UNC80: variants seen among roughly 807,000 people sequenced by gnomAD.
UNC80 encodes protein unc-80 homolog.
UNC80 carries 164 observed loss-of-function variants against 384.6 expected under a neutral mutation model. The ratio of observed to expected loss-of-function variants is 0.43; its 90% CI spans 0.38 to 0.49. The LOEUF is 0.49. UNC80 is among the 20% of genes least tolerant of loss of function. UNC80 has a pLI of 0.00. For synonymous variants in UNC80, 1,486 were observed against 1,527.8 expected (o/e 0.97, Z 0.64); for missense variants, 3,330 against 4,143.0 (o/e 0.80, Z 5.39).
Position 209,773,139 on chromosome 2 carries a change from T to G in UNC80, c.138T>G (p.Cys46Trp). The G allele has an allele frequency of 6.2e-7, 1 of 1,613,276 alleles. No homozygotes were observed. Among genetic ancestry groups the G allele is most frequent in the Non-Finnish European group, 8.5e-7 (1 of 1,179,400 alleles). Residue 46 changes from cysteine to tryptophan, a missense_variant, in exon 2 of 65, where the codon TGT becomes TGG. By Grantham distance (215) the Cys-to-Trp change is radical. Around this residue, in one of 8 missense-constraint regions of UNC80, gnomAD observed 86 missense variants for 141.5 expected, o/e 0.61. Coordinates refer to ENST00000673920, the MANE Select transcript of UNC80 (RefSeq NM_001371986.1). ...TGGGGAAGCAATATGAAGCTTCTTG[T>G]GTGGTATGTGATTTTCACCATTTAA... ...PKLGKQYEAS[C>W]VSFERVLVEN...
chr2:209,851,436 T>C (rs1574736457), intron 22 of UNC80, among the ~76,000 whole-genome samples: 1 of 152,042 alleles, frequency 6.6e-6, no homozygotes, highest in Non-Finnish European at 1.5e-5. Context: ...TCTTTACATA[T>C]CAAATACATC....
chr2:209,900,908 C>T (rs1040966777), intron 28 of UNC80, among the ~76,000 whole-genome samples: 1 of 152,186 alleles, frequency 6.6e-6, no homozygotes, highest in Admixed American at 6.5e-5. Context: ...AATTCAGAGA[C>T]TAGGTTTTAA....
intron 13 of UNC80, 38 bp downstream of exon 13, chr2:209,820,717 C>A: frequency 6.8e-7 from 1 of 1,475,374 alleles, no homozygotes; most frequent in South Asian, 1.4e-5. Flanking sequence ...CATGAAATGT[C>A]ATACCTAATT....
chr2:209,812,661 C>T (rs1446875270), intron 7 of UNC80, among the ~76,000 whole-genome samples: 1 of 152,004 alleles, frequency 6.6e-6, no homozygotes, highest in African/African-American at 2.4e-5. Context: ...TCTTGGATCC[C>T]GGAAGTTCTA....
At chr2:209,953,016 A>T (rs1384742059) in intron 47 of UNC80, among the ~76,000 whole-genome samples, 9 of 152,218 alleles carry the variant, frequency 5.9e-5, no homozygotes, top group African/African-American at 2.2e-4. Context: ...TGTAAGAAAA[A>T]GAATAGATCA....
intron 61 of UNC80, among the ~76,000 whole-genome samples, chr2:209,988,571 C>G (rs987189837): frequency 2.1e-4 from 32 of 152,112 alleles, no homozygotes; most frequent in African/African-American, 6.5e-4. Flanking sequence ...ATCCTTTATG[C>G]ACTATATGCC....
At chr2:209,879,008 T>G (rs114223601) in intron 24 of UNC80, among the ~76,000 whole-genome samples, 1 of 152,092 alleles carries the variant, frequency 6.6e-6, no homozygotes, top group Non-Finnish European at 1.5e-5. Flanking sequence ...AAAACTCTTA[T>G]GATCTTCCTT....
At chr2:209,972,999 A>G in intron 55 of UNC80, 65 bp from the exon 56 acceptor site, 4 of 1,452,128 alleles carry the variant, frequency 2.8e-6, no homozygotes, top group Non-Finnish European at 2.8e-6. Context: ...TTCTGTATCT[A>G]CTGTGGACAG....
In UNC80 at chr2:209,817,748, A is replaced by G. The variant is rs6727740; in HGVS notation, c.1553-64A>G. The G allele has an allele frequency of 6.3e-3, 9,697 of 1,538,506 alleles. 505 individuals carry two copies. In the African/African-American group the frequency reaches 0.11, roughly 18 times the overall value. ...CTCCCTGCTGTCCTTGGGAAAGACA[A>G]TATCTTGGCAGAATAACTTTCAGAT... On this transcript the variant is annotated intron_variant, in intron 10 of 64. Transcript: ENST00000673920.
chr2:209,918,548 T>A lies in UNC80; in HGVS notation c.5228T>A (p.Ile1743Asn). Residue 1743 changes from isoleucine (I) to asparagine (N), a missense_variant, in exon 33 of 65, where the codon ATC becomes AAC. Around this residue, in one of 8 missense-constraint regions of UNC80, gnomAD observed 1,049 missense variants for 1,488.6 expected, o/e 0.70. Coordinates refer to ENST00000673920, the MANE Select transcript of UNC80 (RefSeq NM_001371986.1). ...QQIFKIPPPS[I>N]NFTLPSPVLG... ...AACTAACAGATTCCGCCTCCCAGTA[T>A]CAATTTCACCCTTCCCTCGCCGGTG... 1 of 1,552,214 alleles carries A rather than the reference T, an allele frequency of 6.4e-7. No individual in the cohort carries two copies. The highest frequency in any genetic ancestry group is 8.7e-7 in the Non-Finnish European group (1 of 1,147,086).
intron 33 of UNC80, among the ~76,000 whole-genome samples, chr2:209,919,392 C>T (rs928366082): frequency 1.3e-5 from 2 of 151,944 alleles, no homozygotes; most frequent in African/African-American, 4.8e-5. Context: ...GGATTTATGG[C>T]AATAATAAAA....
intron 5 of UNC80, among the ~76,000 whole-genome samples, chr2:209,787,991 G>A (rs2077550622): frequency 6.6e-6 from 1 of 152,276 alleles, no homozygotes; most frequent in Non-Finnish European, 1.5e-5. Flanking sequence ...AGACATGAAG[G>A]TGGAAGACAG....
At chr2:209,857,777 T>G (rs1048242055) in intron 22 of UNC80, among the ~76,000 whole-genome samples, 2 of 152,204 alleles carry the variant, frequency 1.3e-5, no homozygotes, top group Non-Finnish European at 2.9e-5. Flanking sequence ...TTAAGTACTT[T>G]CTAATTTCTT....
intron 35 of UNC80, among the ~76,000 whole-genome samples, chr2:209,925,005 C>A (rs1205003785): frequency 1.3e-5 from 2 of 151,808 alleles, no homozygotes; most frequent in African/African-American, 4.8e-5. Flanking sequence ...GCAAGGTTGT[C>A]AATTTTCAAG....
chr2:209,853,408 T>G (rs1042683572), intron 22 of UNC80, among the ~76,000 whole-genome samples: 2 of 152,024 alleles, frequency 1.3e-5, no homozygotes, highest in Non-Finnish European at 2.9e-5. Context: ...GTGTTCAAAG[T>G]TTTGCTGACC....
At chr2:209,808,543 A>AAT (rs1337844095) in intron 7 of UNC80, among the ~76,000 whole-genome samples, 2 of 150,468 alleles carry the variant, frequency 1.3e-5, no homozygotes, top group Admixed American at 1.3e-4. Context: ...AAAAAAAAAA[A>AAT]GTAAGGCGGG....
Position 209,978,498 on chromosome 2 carries a change from T to C in UNC80, c.8939-31T>C, listed in dbSNP as rs576280857. On this transcript the variant is annotated intron_variant, in intron 58 of 64. Transcript: ENST00000673920. Reference sequence around the variant, plus strand: ...AAGTGGACATTTAAGATTCTCACCATGCATTTCCTTTGGTCTCTCGCATCC... The same window carrying C: ...AAGTGGACATTTAAGATTCTCACCACGCATTTCCTTTGGTCTCTCGCATCC... 982 of 1,486,944 alleles carry C rather than the reference T, an allele frequency of 6.6e-4. 2 individuals are homozygous for C. The highest frequency in any genetic ancestry group is 7.6e-4 in the Non-Finnish European group (837 of 1,101,224). The allele number at this position is 1,486,944 out of a possible 1,614,324, so 92.1% of individuals were successfully genotyped here.
chr2:209,893,354 A>G (rs876010), intron 26 of UNC80, among the ~76,000 whole-genome samples: 23,688 of 152,250 alleles, frequency 0.16, 2,253 homozygotes, highest in East Asian at 0.22. Context: ...AGGTGTGTAT[A>G]TGACTATGGA....
chr2:209,985,722 G>A (rs2093273643), intron 61 of UNC80, among the ~76,000 whole-genome samples: 1 of 152,130 alleles, frequency 6.6e-6, no homozygotes, highest in Non-Finnish European at 1.5e-5. Flanking sequence ...AAGGCTTCTT[G>A]TTCATCCTTA....
Sources: allele counts gnomAD v4.1 joint callset (sites outside exome capture counted in the v4.1 genomes callset), GRCh38; gene constraint gnomAD v4.1.1; regional missense constraint gnomAD v4.1.1; transcripts MANE v1.5; gene names NCBI Gene and HGNC (gene_info 2026-07-23, HGNC 2026-07-21).